CDH26: variants seen among roughly 807,000 people sequenced by gnomAD.
CDH26 encodes cadherin 26.
In CDH26, 83 loss-of-function variants were observed where a neutral mutation model predicts 90.3. The observed-to-expected ratio is 0.92, with a 90% confidence interval of 0.77 to 1.10. The LOEUF (loss-of-function observed/expected upper bound fraction) is 1.10. CDH26 is among the 50% of genes least tolerant of loss of function. CDH26 has a pLI of 0.00. For missense variants in CDH26, 1,013 were observed against 1,037.6 expected (o/e 0.98, Z 0.33); for synonymous variants, 397 against 396.3 (o/e 1.00, Z -0.02).
chr20:60,032,797 A>G (rs1362556785), intron 8 of CDH26, among the ~76,000 whole-genome samples: 2 of 139,342 alleles, frequency 1.4e-5, no homozygotes, highest in Non-Finnish European at 3.0e-5. Context: ...GAATTGAACA[A>G]TGAGAACACA....
intron 1 of CDH26, among the ~76,000 whole-genome samples, chr20:59,964,585 A>G (rs1037593178): frequency 1.3e-5 from 2 of 152,160 alleles, no homozygotes; most frequent in African/African-American, 4.8e-5. Flanking sequence ...AAAATATAAC[A>G]ATTTCCAGTC....
chr20:59,984,961 T>C (rs368776859), intron 6 of CDH26, 40 bp from the exon 7 acceptor site: 1 of 1,598,454 alleles, frequency 6.3e-7, no homozygotes, highest in East Asian at 2.2e-5. Context: ...TTTCCTTTCC[T>C]GTATTTGAGG....
Position 60,001,409 on chromosome 20 carries a change from TG to T in CDH26, c.2166+1del, listed in dbSNP as rs1272182500. 1 of 1,613,720 alleles carries T rather than the reference TG, an allele frequency of 6.2e-7. No homozygotes were observed. Among genetic ancestry groups the T allele is most frequent in the African/African-American group, 1.3e-5 (1 of 74,918 alleles). On this transcript the variant is annotated frameshift_variant and splice_region_variant, in exon 15 of 18. Coordinates refer to ENST00000348616, the MANE Select transcript of CDH26 (RefSeq NM_177980.4). LOFTEE classifies it high-confidence loss of function. ...SAQARCALGS[W>X]GYGKPFEPRS... ...CCAAGCACGCTGTGCTCTGGGGAGC[TG>T]GGTGAGTTCCAGAAGGTTGCTCCCT...
chr20:59,967,908 CCTTTCCTTT>C (rs200201363), intron 1 of CDH26, among the ~76,000 whole-genome samples: 1 of 107,804 alleles, frequency 9.3e-6, no homozygotes, highest in African/African-American at 4.6e-5. Flanking sequence ...TTCCTTCCTT[CCTTTCCTTT>C]CCTTTCCTTT....
chr20:60,023,343 C>A (rs1042369234), intron 7 of CDH26, among the ~76,000 whole-genome samples: 1 of 152,186 alleles, frequency 6.6e-6, no homozygotes, highest in Admixed American at 6.5e-5. Flanking sequence ...AAAATAGAGA[C>A]CAAGAGAAGT....
At chr20:59,967,880 C>CTCTCTCTCTCTCTTT (rs1195650307) in intron 1 of CDH26, among the ~76,000 whole-genome samples, 5 of 74,922 alleles carry the variant, frequency 6.7e-5, no homozygotes, top group African/African-American at 2.6e-4. Context: ...TTTCTTTCTT[C>CTCTCTCTCTCTCTTT]CTTCCTTCCT....
chr20:59,985,182 G>A, intron 7 of CDH26, 53 bp downstream of exon 7: 3 of 1,601,106 alleles, frequency 1.9e-6, no homozygotes, highest in Non-Finnish European at 2.6e-6. Flanking sequence ...GTAGCCCTTG[G>A]GTCCTAGGCT....
At chr20:59,973,131 T>A (rs1187383017) in intron 4 of CDH26, among the ~76,000 whole-genome samples, 1 of 152,168 alleles carries the variant, frequency 6.6e-6, no homozygotes, top group Non-Finnish European at 1.5e-5. Flanking sequence ...CACTTCTCAA[T>A]CTTTCATGAG....
chr20:59,982,890 T>C lies in CDH26; in HGVS notation c.394-33T>C, dbSNP rs1204690811. The C allele has an allele frequency of 3.1e-6, 5 of 1,608,382 alleles. No homozygotes were observed. In the East Asian group the frequency reaches 8.9e-5, roughly 29 times the overall value. ...ATTAGAGTGTCATCGAGTAAATGGTTCTGCAGGATTTTTACAGCTCTCTGC... is the reference window on the plus strand; with the variant it reads ...ATTAGAGTGTCATCGAGTAAATGGTCCTGCAGGATTTTTACAGCTCTCTGC... On this transcript the variant is annotated intron_variant, in intron 4 of 17. Transcript: ENST00000348616.
chr20:59,987,385 C>A, intron 7 of CDH26, 68 bp from the exon 8 acceptor site: 2 of 1,301,702 alleles, frequency 1.5e-6, no homozygotes, highest in South Asian at 2.9e-5. Context: ...CTCCCTCCTT[C>A]CTCTCTGCTT....
At chr20:59,983,186 A>G (rs968234568) in intron 5 of CDH26, 116 bp downstream of exon 5, 2 of 1,217,930 alleles carry the variant, frequency 1.6e-6, no homozygotes, top group African/African-American at 1.5e-5. Context: ...TACTGTTCAC[A>G]TCTCAAAGAT....
downstream of CDH26, chr20:60,014,590 A>G (rs1235763378): frequency 2.0e-5 from 3 of 152,136 alleles, no homozygotes; most frequent in Non-Finnish European, 4.4e-5. Flanking sequence ...TCTTAACATA[A>G]TGTCCTCCAG....
At chr20:60,003,879 GT>G (rs925284742) in intron 16 of CDH26, among the ~76,000 whole-genome samples, 43 of 152,296 alleles carry the variant, frequency 2.8e-4, no homozygotes, top group African/African-American at 1.0e-3. Context: ...ATAGTGTGGG[GT>G]TAGGACCTGA....
chr20:59,982,784 GCAGTCTGATTCCTGCCCTCCGGAACTCT>G lies in CDH26; in HGVS notation c.394-132_394-105del, dbSNP rs1247137484. 1.9e-5 allele frequency: 17 copies of G among 913,322 alleles called. No individual in the cohort carries two copies. The African/African-American group carries it at 2.9e-4, about 15-fold the overall frequency. The allele number at this position is 913,322 out of a possible 1,614,324, so 56.6% of individuals were successfully genotyped here. A position where few individuals can be genotyped will look rare whatever the true frequency, so the allele number is the denominator to read the frequency against. On this transcript the variant is annotated intron_variant, in intron 4 of 17. Coordinates refer to ENST00000348616, the MANE Select transcript of CDH26 (RefSeq NM_177980.4). Reference sequence around the variant, plus strand: ...TCTCTGGGGTACTTGGTAAATGAGGGCAGTCTGATTCCTGCCCTCCGGAACTCTCAGTCTAGAGGAGGAGACAGACGTA... The same window carrying G: ...TCTCTGGGGTACTTGGTAAATGAGGGCAGTCTAGAGGAGGAGACAGACGTA...
In CDH26 at chr20:59,994,504, T is replaced by G. The variant is rs1245458378; in HGVS notation, c.1666+15T>G. ...GAGAAATTGGGGTGAGTTTTTGTATTGGTTACGGGCAAAGAGTGGAAAATG... is the reference window on the plus strand; with the variant it reads ...GAGAAATTGGGGTGAGTTTTTGTATGGGTTACGGGCAAAGAGTGGAAAATG... On this transcript the variant is annotated intron_variant, in intron 11 of 17. Coordinates refer to ENST00000348616, the MANE Select transcript of CDH26 (RefSeq NM_177980.4). 2 of 1,612,742 alleles carry G rather than the reference T, an allele frequency of 1.2e-6. No homozygotes were observed. The highest frequency in any genetic ancestry group is 1.7e-6 in the Non-Finnish European group (2 of 1,179,258).
In CDH26 at chr20:59,995,946, A is replaced by G; in HGVS notation, c.1780A>G (p.Ile594Val). Residue 594 changes from isoleucine (I) to valine (V), a missense_variant, in exon 12 of 18, where the codon ATC (isoleucine) becomes GTC (valine). Physicochemically the swap from Ile to Val is conservative, Grantham distance 29. Transcript: ENST00000348616. ...CCAGAAGCAAACTGTCCATGTAAGG[A>G]TCTGCCCCTGTGCCAGTGGGCTCAC... ...LSQKQTVHVRICPCASGLTCV... is the reference protein window; with the variant it reads ...LSQKQTVHVRVCPCASGLTCV... 1 of 1,614,234 alleles carries G rather than the reference A, an allele frequency of 6.2e-7. No homozygotes were observed. Among genetic ancestry groups the G allele is most frequent in the Non-Finnish European group, 8.5e-7 (1 of 1,180,038 alleles).
At chr20:59,998,542 C>T (rs76952483) in intron 13 of CDH26, among the ~76,000 whole-genome samples, 9,057 of 152,224 alleles carry the variant, frequency 0.059, 627 homozygotes, top group African/African-American at 0.17. Context: ...GACAAGAGAA[C>T]CTCATGCTGG....
chr20:60,026,624 A>G (rs1160220494), intron 7 of CDH26, among the ~76,000 whole-genome samples: 2 of 152,176 alleles, frequency 1.3e-5, no homozygotes, highest in African/African-American at 2.4e-5. Flanking sequence ...CCCACAAACA[A>G]GGACCTGCAT....
At chr20:60,020,790 G>T (rs1048355723) in intron 7 of CDH26, among the ~76,000 whole-genome samples, 2 of 152,214 alleles carry the variant, frequency 1.3e-5, no homozygotes, top group Admixed American at 6.5e-5. Flanking sequence ...GAACAATGCA[G>T]TTCAGTGAAA....
Sources: gnomAD v4.1 joint callset for allele counts (sites outside exome capture counted in the v4.1 genomes callset) on GRCh38, gnomAD v4.1.1 for gene constraint, MANE v1.5 for transcripts, NCBI Gene and HGNC (gene_info 2026-07-23, HGNC 2026-07-21) for gene names.